EXT1: variants seen among roughly 807,000 people sequenced by gnomAD.
EXT1 encodes the protein exostosin-1.
Under a neutral mutation model 82.5 loss-of-function variants are expected in EXT1, and 20 were observed. That is an observed-to-expected ratio of 0.24 (90% CI 0.17 to 0.35). EXT1 has a LOEUF of 0.35. Among genes scored for constraint, EXT1 ranks in the 10% least tolerant of loss-of-function variants. EXT1 has a pLI of 1.00. For synonymous variants in EXT1, 348 were observed against 350.8 expected, an observed-to-expected ratio of 0.99 and a Z score of 0.09; for missense variants, 757 against 936.5, an observed-to-expected ratio of 0.81 and a Z score of 2.50.
chr8:117,930,053 CA>C (rs1814022077), intron 1 of EXT1, among the ~76,000 whole-genome samples: 1 of 151,226 alleles, frequency 6.6e-6, no homozygotes, highest in African/African-American at 2.4e-5. Context: ...TGCAGCAAGC[CA>C]AGATCGCACA....
chr8:117,843,179 G>T (rs1812299196), intron 1 of EXT1, among the ~76,000 whole-genome samples: 1 of 152,238 alleles, frequency 6.6e-6, no homozygotes, highest in Admixed American at 6.5e-5. Context: ...TGAGAGAAAT[G>T]AAATTAACAT....
chr8:117,994,459 A>G (rs1815495999), intron 1 of EXT1, among the ~76,000 whole-genome samples: 1 of 152,146 alleles, frequency 6.6e-6, no homozygotes, highest in South Asian at 2.1e-4. Context: ...AAAAATACAA[A>G]AATTAGCCAG....
rs534124114 is a variant in EXT1, at chr8:117,882,981, A to G, written c.963-45780T>C. 3.9e-3 allele frequency among the ~76,000 whole-genome samples: 501 copies of G among 129,034 alleles called. 1 individual carries two copies. Among genetic ancestry groups the G allele is most frequent in the African/African-American group, 0.015 (420 of 28,750 alleles). 84.7% of individuals were successfully genotyped at this position (129,034 alleles called of 152,430 possible). A position where few individuals can be genotyped will look rare whatever the true frequency, so the allele number is the denominator to read the frequency against. On this transcript the variant is annotated intron_variant, in intron 1 of 10. Transcript: ENST00000378204. ...GACAAAATGAGACTCTGTCTCAAAGAAAAAAAAAAAAAAAAGAAAGAAAAA... is the reference window on the plus strand; with the variant it reads ...GACAAAATGAGACTCTGTCTCAAAGGAAAAAAAAAAAAAAAGAAAGAAAAA...
intron 1 of EXT1, among the ~76,000 whole-genome samples, chr8:117,936,332 A>G (rs182382640): frequency 2.0e-5 from 3 of 152,336 alleles, no homozygotes; most frequent in Admixed American, 2.0e-4. Context: ...CTCCCATCCT[A>G]TGCACTTTGT....
chr8:117,967,151 G>C (rs574993583), intron 1 of EXT1, among the ~76,000 whole-genome samples: 1 of 152,270 alleles, frequency 6.6e-6, no homozygotes, highest in Admixed American at 6.5e-5. Context: ...ATAATCCTTT[G>C]AAGAATCCAG....
At chr8:117,818,829 C>T (rs112507687) in intron 6 of EXT1, among the ~76,000 whole-genome samples, 4,432 of 152,206 alleles carry the variant, frequency 0.029, 237 homozygotes, top group African/African-American at 0.099. Flanking sequence ...ATTACGGTGG[C>T]TGGAGCTTAA....
At chr8:117,846,097 A>C (rs189813284) in intron 1 of EXT1, among the ~76,000 whole-genome samples, 1 of 152,166 alleles carries the variant, frequency 6.6e-6, no homozygotes, top group Admixed American at 6.5e-5. Flanking sequence ...GTTTTGCAGC[A>C]CCAGCTTTTT....
intron 1 of EXT1, among the ~76,000 whole-genome samples, chr8:117,872,446 G>A (rs1234831062): frequency 2.0e-5 from 3 of 151,850 alleles, no homozygotes; most frequent in African/African-American, 7.3e-5. Context: ...AATTTATCCA[G>A]CTCAATGACT....
intron 7 of EXT1, among the ~76,000 whole-genome samples, chr8:117,816,741 C>A (rs1374177205): frequency 6.6e-6 from 1 of 152,184 alleles, no homozygotes; most frequent in Non-Finnish European, 1.5e-5. Flanking sequence ...ATCAGTGAGT[C>A]AGAGCATGAA....
At chr8:117,988,724 T>A (rs1815373248) in intron 1 of EXT1, among the ~76,000 whole-genome samples, 1 of 152,060 alleles carries the variant, frequency 6.6e-6, no homozygotes, top group Non-Finnish European at 1.5e-5. Context: ...TCTACTCCAA[T>A]GCGAAGAAGG....
intron 1 of EXT1, among the ~76,000 whole-genome samples, chr8:118,013,613 G>C (rs1364313034): frequency 6.6e-6 from 1 of 152,172 alleles, no homozygotes; most frequent in Admixed American, 6.5e-5. Context: ...AGGATGGATG[G>C]ACTTGGAGTC....
chr8:117,987,193 T>A (rs1815340509), intron 1 of EXT1, among the ~76,000 whole-genome samples: 1 of 152,242 alleles, frequency 6.6e-6, no homozygotes, highest in Non-Finnish European at 1.5e-5. Flanking sequence ...GAAAGTACTA[T>A]GAACGGAATG....
chr8:118,037,029 G>T (rs554228222), intron 1 of EXT1, among the ~76,000 whole-genome samples: 4 of 152,210 alleles, frequency 2.6e-5, no homozygotes, highest in African/African-American at 9.6e-5. Context: ...TGTTATCCAG[G>T]TATACTCAAG....
intron 1 of EXT1, among the ~76,000 whole-genome samples, chr8:117,908,422 G>A (rs1813581136): frequency 6.6e-6 from 1 of 152,050 alleles, no homozygotes; most frequent in Non-Finnish European, 1.5e-5. Flanking sequence ...CTGAGGTCAG[G>A]AGTTCAAGAC....
intron 1 of EXT1, among the ~76,000 whole-genome samples, chr8:117,950,041 A>G (rs373561815): frequency 1.3e-5 from 2 of 152,168 alleles, no homozygotes; most frequent in African/African-American, 2.4e-5. Context: ...CCTGGCCGAC[A>G]TGGTAAAACC....
chr8:118,085,653 C>T (rs1156871211), intron 1 of EXT1, among the ~76,000 whole-genome samples: 1 of 151,582 alleles, frequency 6.6e-6, no homozygotes. Context: ...ATCCATTACA[C>T]AACTGGGAAC....
At chr8:117,995,269 A>G (rs1815513736) in intron 1 of EXT1, among the ~76,000 whole-genome samples, 1 of 152,190 alleles carries the variant, frequency 6.6e-6, no homozygotes, top group African/African-American at 2.4e-5. Context: ...TTTGTTTTCA[A>G]TGCAGACCAT....
At chr8:117,870,850 A>ACACACACACACACACACACAC (rs1563586222) in intron 1 of EXT1, among the ~76,000 whole-genome samples, 27 of 89,674 alleles carry the variant, frequency 3.0e-4, no homozygotes, top group African/African-American at 2.5e-3. Context: ...CACACACACA[A>ACACACACACACACACACACAC]AAGATTGAAG....
intron 1 of EXT1, among the ~76,000 whole-genome samples, chr8:117,950,385 G>T (rs866760891): frequency 2.0e-5 from 3 of 152,236 alleles, no homozygotes; most frequent in Non-Finnish European, 4.4e-5. Flanking sequence ...CTGGCTGGTT[G>T]TAACAGCCAA....
Sources: allele counts gnomAD v4.1 joint callset (sites outside exome capture counted in the v4.1 genomes callset), GRCh38; gene constraint gnomAD v4.1.1; transcripts MANE v1.5; gene names NCBI Gene and HGNC (gene_info 2026-07-23, HGNC 2026-07-21).